Variants in DNM3 observed in about 807,000 individuals in gnomAD.
DNM3 encodes dynamin 3, also known as dynamin-3.
DNM3 carries 47 observed loss-of-function variants against 101.6 expected under a neutral mutation model. The ratio of observed to expected loss-of-function variants is 0.46; its 90% CI spans 0.37 to 0.59. DNM3 has a LOEUF of 0.59. DNM3 is among the 20% of genes least tolerant of loss of function. DNM3 has a pLI of 0.00. For missense variants in DNM3, 849 were observed against 1,085.7 expected (o/e 0.78, Z 3.06); for synonymous variants, 385 against 387.9 (o/e 0.99, Z 0.09).
intron 20 of DNM3, among the ~76,000 whole-genome samples, chr1:172,397,820 T>C (rs1012905659): frequency 1.3e-5 from 2 of 152,148 alleles, no homozygotes; most frequent in African/African-American, 4.8e-5. Flanking sequence ...ATTTGATGTA[T>C]ATTGTTCAGT....
intron 14 of DNM3, chr1:172,138,717 G>A (rs1024868398): frequency 1.4e-5 from 4 of 293,404 alleles, no homozygotes; most frequent in African/African-American, 4.6e-5. Context: ...CCAGGCCCCC[G>A]AGCCCCTCAT....
chr1:171,999,231 T>C (rs1401261606), intron 4 of DNM3, among the ~76,000 whole-genome samples: 1 of 152,058 alleles, frequency 6.6e-6, no homozygotes, highest in African/African-American at 2.4e-5. Flanking sequence ...GGAATGGTAC[T>C]GAGGGAAGAA....
chr1:172,097,379 G>A (rs2054316290), intron 13 of DNM3, among the ~76,000 whole-genome samples: 1 of 151,242 alleles, frequency 6.6e-6, no homozygotes, highest in Admixed American at 6.6e-5. Context: ...CAGCCTGGGT[G>A]ACAAAGCAAG....
intron 13 of DNM3, among the ~76,000 whole-genome samples, chr1:172,102,372 T>C (rs546608536): frequency 4.7e-4 from 72 of 152,260 alleles, no homozygotes; most frequent in African/African-American, 1.6e-3. Flanking sequence ...AGATTAGAGT[T>C]TATGAAAACC....
chr1:172,259,708 T>C (rs978199295), intron 15 of DNM3, among the ~76,000 whole-genome samples: 31 of 152,114 alleles, frequency 2.0e-4, no homozygotes, highest in African/African-American at 6.5e-4. Flanking sequence ...CAGTCTATAT[T>C]TTTTAAGTGC....
At chr1:172,314,812 G>A (rs2065248521) in intron 16 of DNM3, among the ~76,000 whole-genome samples, 1 of 152,194 alleles carries the variant, frequency 6.6e-6, no homozygotes, top group South Asian at 2.1e-4. Flanking sequence ...TGGGGGCAGG[G>A]CACAGACAAA....
intron 15 of DNM3, among the ~76,000 whole-genome samples, chr1:172,286,840 T>C (rs1279684147): frequency 6.6e-6 from 1 of 152,120 alleles, no homozygotes. Context: ...TTAGAAGCAG[T>C]ACACAAAAAG....
In DNM3 at chr1:172,410,314, A is replaced by C; in HGVS notation, c.*2473A>C. ...CATGCACACCAGGCCTTAAGATGGG[A>C]ATGTAGCTTAATGATTTTCTGTTTC... On this transcript the variant is annotated 3_prime_UTR_variant, in exon 21 of 21. Transcript: ENST00000627582. The C allele has an allele frequency of 1.0e-6, 1 of 985,314 alleles. No homozygotes were observed. Among genetic ancestry groups the C allele is most frequent in the South Asian group, 4.7e-5 (1 of 21,286 alleles). The allele number at this position is 985,314 out of a possible 1,614,324, so 61.0% of individuals were successfully genotyped here. A position where few individuals can be genotyped will look rare whatever the true frequency, so the allele number is the denominator to read the frequency against.
At chr1:171,930,004 T>C (rs1356108786) in intron 2 of DNM3, among the ~76,000 whole-genome samples, 3 of 151,810 alleles carry the variant, frequency 2.0e-5, no homozygotes, top group Non-Finnish European at 2.9e-5. Flanking sequence ...TTCAAATCTC[T>C]GTGGGCTGGA....
At chr1:172,113,642 A>AAC (rs1553379800) in intron 13 of DNM3, among the ~76,000 whole-genome samples, 29 of 149,174 alleles carry the variant, frequency 1.9e-4, no homozygotes, top group African/African-American at 7.4e-4. Context: ...AAAAAAAAAA[A>AAC]AACAACTCAG....
intron 9 of DNM3, among the ~76,000 whole-genome samples, chr1:172,047,844 G>A (rs72719054): frequency 2.7e-4 from 41 of 152,200 alleles, no homozygotes; most frequent in Non-Finnish European, 5.7e-4. Flanking sequence ...CTAGGAGTGG[G>A]GAGGACCCAG....
At chr1:172,062,643 C>G (rs369855481) in intron 10 of DNM3, among the ~76,000 whole-genome samples, 5 of 152,282 alleles carry the variant, frequency 3.3e-5, no homozygotes, top group African/African-American at 1.2e-4. Flanking sequence ...ATCTGGCACT[C>G]CTTTTCCCTT....
intron 14 of DNM3, among the ~76,000 whole-genome samples, chr1:172,170,573 C>T (rs1312758482): frequency 2.0e-5 from 3 of 151,850 alleles, no homozygotes; most frequent in Non-Finnish European, 2.9e-5. Flanking sequence ...GTAAGAACTT[C>T]AGTGTTAATT....
At chr1:172,287,296 T>C (rs1373830004) in intron 15 of DNM3, among the ~76,000 whole-genome samples, 3 of 152,228 alleles carry the variant, frequency 2.0e-5, no homozygotes, top group African/African-American at 4.8e-5. Context: ...GTTTCTACCA[T>C]TTAAATTGTA....
chr1:172,396,723 A>T (rs2070034748), intron 20 of DNM3, among the ~76,000 whole-genome samples: 1 of 152,232 alleles, frequency 6.6e-6, no homozygotes. Context: ...ACCAGTATTT[A>T]GTTTCAGATT....
intron 14 of DNM3, among the ~76,000 whole-genome samples, chr1:172,215,363 G>GT (rs2060655333): frequency 6.6e-6 from 1 of 152,094 alleles, no homozygotes; most frequent in Non-Finnish European, 1.5e-5. Flanking sequence ...ATATGCCCCG[G>GT]TGTCCACATG....
Position 171,878,864 on chromosome 1 carries a change from G to A in DNM3, c.161+37047G>A, listed in dbSNP as rs2036015655. Among the ~76,000 whole-genome samples, 4 of 151,760 alleles carry A rather than the reference G, an allele frequency of 2.6e-5. No homozygotes were observed. The South Asian group carries it at 6.2e-4, about 24-fold the overall frequency. ...TTTTTTTTTAATATATGAAACAAAA[G>A]TATATGAACAAATGGAAATAACCAG... On this transcript the variant is annotated intron_variant, in intron 1 of 20. Coordinates refer to ENST00000627582, the MANE Select transcript of DNM3 (RefSeq NM_015569.5).
intron 14 of DNM3, among the ~76,000 whole-genome samples, chr1:172,200,178 T>C (rs1475914146): frequency 6.6e-6 from 1 of 152,194 alleles, no homozygotes; most frequent in African/African-American, 2.4e-5. Context: ...TTAGTTTGGC[T>C]GTATATGAAA....
intron 2 of DNM3, among the ~76,000 whole-genome samples, chr1:171,941,949 T>G (rs549107491): frequency 1.1e-4 from 16 of 152,310 alleles, no homozygotes; most frequent in African/African-American, 3.8e-4. Flanking sequence ...GGGTTTGTGA[T>G]TAAGGATGAC....
Sources: gnomAD v4.1 joint callset for allele counts (sites outside exome capture counted in the v4.1 genomes callset) on GRCh38, gnomAD v4.1.1 for gene constraint, MANE v1.5 for transcripts, NCBI Gene and HGNC (gene_info 2026-07-23, HGNC 2026-07-21) for gene names.